The following ZIM2 variants were observed in gnomAD, a reference collection of about 807,000 sequenced individuals.
ZIM2 encodes the protein zinc finger imprinted 2.
Under a neutral mutation model 38.6 loss-of-function variants are expected in ZIM2, and 14 were observed. That is an observed-to-expected ratio of 0.36 (90% CI 0.24 to 0.57). ZIM2 has a LOEUF of 0.57. Ranked by LOEUF, ZIM2 falls within the 20% of genes least tolerant of loss-of-function variation. The pLI is 0.81. For synonymous variants in ZIM2, 247 were observed against 245.8 expected, an observed-to-expected ratio of 1.00 and a Z score of -0.04; for missense variants, 680 against 695.1, an observed-to-expected ratio of 0.98 and a Z score of 0.24.
chr19:56,839,782 G>C (rs939379384), intron 1 of ZIM2, among the ~76,000 whole-genome samples: 1 of 151,986 alleles, frequency 6.6e-6, no homozygotes, highest in African/African-American at 2.4e-5. Flanking sequence ...GCGCCTGCGC[G>C]GCAAACCTCA....
chr19:56,814,784 G>C lies in ZIM2; in HGVS notation c.490+2962C>G. On this transcript the variant is annotated intron_variant, in intron 9 of 12. Coordinates refer to ENST00000629319, the MANE Select transcript of ZIM2 (RefSeq NM_001387356.1). The surrounding 1 kb of genome is among the most constrained non-coding windows in gnomAD (Gnocchi z 5.8). Reference sequence around the variant, plus strand: ...AGGCATCGAATGGCCGACCCAGCAAGAGCAGGATTCCTCTCTGCAGCACGA... The same window carrying C: ...AGGCATCGAATGGCCGACCCAGCAACAGCAGGATTCCTCTCTGCAGCACGA... 1.2e-6 allele frequency: 2 copies of C among 1,614,170 alleles called. No homozygotes were observed. The highest frequency in any genetic ancestry group is 1.3e-5 in the African/African-American group (1 of 75,046).
intron 9 of ZIM2, chr19:56,816,255 A>G: frequency 1.2e-6 from 2 of 1,614,040 alleles, no homozygotes; most frequent in South Asian, 1.1e-5. Context: ...TCTGAGATTC[A>G]GTGAATGGCC....
At chr19:56,779,281 A>G in intron 12 of ZIM2, 96 bp downstream of exon 12, 1 of 1,268,610 alleles carries the variant, frequency 7.9e-7, no homozygotes, top group African/African-American at 1.5e-5. Context: ...GGCACCTACC[A>G]GACTTCTCCT....
intron 7 of ZIM2, among the ~76,000 whole-genome samples, chr19:56,820,441 C>T (rs1044941351): frequency 1.4e-4 from 21 of 152,160 alleles, no homozygotes; most frequent in African/African-American, 5.1e-4. Context: ...ATTTAAAAAG[C>T]AAAACAAGAC....
intron 9 of ZIM2, among the ~76,000 whole-genome samples, chr19:56,796,511 C>G (rs2047237651): frequency 6.6e-6 from 1 of 152,220 alleles, no homozygotes; most frequent in African/African-American, 2.4e-5. Flanking sequence ...GTTGGCTCCA[C>G]TCATGCCCGA....
At position 56,776,131 on chromosome 19, in the gene ZIM2, CAGTA is replaced by C. The variant is rs1380583269; in HGVS notation, c.836-606_836-603del. Among the ~76,000 whole-genome samples the C allele has an allele frequency of 2.8e-5, 4 of 144,976 alleles. No homozygotes were observed. In the East Asian group the frequency reaches 8.0e-4, roughly 29 times the overall value. On this transcript the variant is annotated intron_variant, in intron 12 of 12. Coordinates refer to ENST00000629319, the MANE Select transcript of ZIM2 (RefSeq NM_001387356.1). ...AAAAAAAAAAAAAAAAAGGAAAAGA[CAGTA>C]AGCAAGGAAGAGTGAGGAAGAAACA... is the stretch of plus-strand genomic sequence containing the variant.
chr19:56,811,428 T>A lies in ZIM2; in HGVS notation c.490+6318A>T, dbSNP rs78174116. ...CCACTTAATGTTCTGTAAATATATTTCCACGTTGCTACATAACTCGTGATT... is the reference window on the plus strand; with the variant it reads ...CCACTTAATGTTCTGTAAATATATTACCACGTTGCTACATAACTCGTGATT... On this transcript the variant is annotated intron_variant, in intron 9 of 12. Transcript: ENST00000629319. 2.4e-3 allele frequency: 2,217 copies of A among 910,750 alleles called. 28 individuals carry two copies. In the African/African-American group the frequency reaches 0.034, roughly 14 times the overall value. 56.4% of individuals were successfully genotyped at this position (910,750 alleles called of 1,614,324 possible). A position where few individuals can be genotyped will look rare whatever the true frequency, so the allele number is the denominator to read the frequency against.
intron 9 of ZIM2, among the ~76,000 whole-genome samples, chr19:56,793,447 G>T (rs559173816): frequency 6.6e-6 from 1 of 152,152 alleles, no homozygotes; most frequent in Non-Finnish European, 1.5e-5. Context: ...CGGTAGGCAG[G>T]GCTGTATCAG....
At chr19:56,817,435 T>A in intron 9 of ZIM2, 1 of 1,614,130 alleles carries the variant, frequency 6.2e-7, no homozygotes, top group South Asian at 1.1e-5. Flanking sequence ...CTGTGACCGG[T>A]CGCTTGACTC....
At chr19:56,806,603 T>C (rs2047767812) in intron 9 of ZIM2, among the ~76,000 whole-genome samples, 1 of 152,222 alleles carries the variant, frequency 6.6e-6, no homozygotes, top group Admixed American at 6.5e-5. Flanking sequence ...CAGGAGAATG[T>C]ATATTGGGAG....
At chr19:56,815,090 C>G (rs1360328771) in intron 9 of ZIM2, 1 of 1,613,560 alleles carries the variant, frequency 6.2e-7, no homozygotes, top group Admixed American at 1.7e-5. Flanking sequence ...TCTGTGAGAT[C>G]CACAAAGCCC....
At position 56,824,421 on chromosome 19, in the gene ZIM2, T is replaced by C. The variant is rs1254639627; in HGVS notation, c.-144A>G. The C allele has an allele frequency of 6.2e-7, 1 of 1,613,876 alleles. No individual in the cohort carries two copies. Among genetic ancestry groups the C allele is most frequent in the Non-Finnish European group, 8.5e-7 (1 of 1,180,002 alleles). Reference sequence around the variant, plus strand: ...TCGATGATCTCCTCCTTGGTGCGGGTCTCCGGCTGCAACCAATCGAGGCAG... The same window carrying C: ...TCGATGATCTCCTCCTTGGTGCGGGCCTCCGGCTGCAACCAATCGAGGCAG... On this transcript the variant is annotated 5_prime_UTR_variant, in exon 4 of 13. Coordinates refer to ENST00000629319, the MANE Select transcript of ZIM2 (RefSeq NM_001387356.1).
chr19:56,830,131 T>C (rs994906974), intron 2 of ZIM2, among the ~76,000 whole-genome samples: 2 of 152,236 alleles, frequency 1.3e-5, no homozygotes, highest in Non-Finnish European at 2.9e-5. Context: ...CCTGTATTTA[T>C]ACCCTACCGC....
chr19:56,774,979 G>C lies in ZIM2; in HGVS notation c.1386C>G (p.Leu462=). The C allele has an allele frequency of 6.2e-7, 1 of 1,614,194 alleles. No individual in the cohort carries two copies. Among genetic ancestry groups the C allele is most frequent in the Non-Finnish European group, 8.5e-7 (1 of 1,180,042 alleles). The change falls in exon 13 of 13, where the codon CTC becomes CTG. Residue 462 remains leucine (L), a synonymous_variant. Transcript: ENST00000629319. ...GGACTCTTGCTGCCTCATGGGCTTT[G>C]AGATGTTGAAGAAGATGCACATTCT... ...FLQNVHLLQH[L]KAHEAARVLP...
At position 56,822,820 on chromosome 19, in the gene ZIM2, G is replaced by T. The variant is rs757890759; in HGVS notation, c.123C>A (p.Asp41Glu). Reference sequence around the variant, plus strand: ...CCATGTCTCTGCTTCTGCCCCTCCGGTCCCAGTCCCGGTCACCTAAGCAGG... The same window carrying T: ...CCATGTCTCTGCTTCTGCCCCTCCGTTCCCAGTCCCGGTCACCTAAGCAGG... ...VHSFSGDRDW[D>E]RRGRSRDMEP... is the part of the protein sequence containing the mutation. The change falls in exon 6 of 13, where the codon GAC becomes GAA. Residue 41 changes from aspartate (D) to glutamate (E), a missense_variant. Coordinates refer to ENST00000629319, the MANE Select transcript of ZIM2 (RefSeq NM_001387356.1). 1.9e-6 allele frequency: 3 copies of T among 1,613,832 alleles called. No individual in the cohort carries two copies. The highest frequency in any genetic ancestry group is 2.2e-5 in the South Asian group (2 of 90,984).
Position 56,817,774 on chromosome 19 carries a change from C to A in ZIM2, c.462G>T (p.Lys154Asn). 6.2e-7 allele frequency: 1 copy of A among 1,614,128 alleles called. No individual in the cohort carries two copies. ...GACTGGTGCTTGGGTAGGCACTTCT[C>A]TTGGATCTTGATGAGTGGCCCTGCG... is the stretch of plus-strand genomic sequence containing the variant. ...HMTQGHSSRS[K>N]RSAYPSTSRG... The change falls in exon 9 of 13, where the codon AAG (lysine) becomes AAT (asparagine). Residue 154 changes from lysine (K) to asparagine (N), a missense_variant. Coordinates refer to ENST00000629319, the MANE Select transcript of ZIM2 (RefSeq NM_001387356.1).
chr19:56,781,248 G>T (rs954681231), intron 11 of ZIM2, among the ~76,000 whole-genome samples: 3 of 152,162 alleles, frequency 2.0e-5, no homozygotes, highest in Admixed American at 2.0e-4. Context: ...AACAGTGTTT[G>T]TTTTGGATTC....
At chr19:56,815,543 T>C (rs759701596) in intron 9 of ZIM2, 1 of 1,614,076 alleles carries the variant, frequency 6.2e-7, no homozygotes, top group East Asian at 2.2e-5. Context: ...TCATAGAGCA[T>C]CCCTCGAGGG....
intron 2 of ZIM2, among the ~76,000 whole-genome samples, chr19:56,834,337 C>T (rs1200958782): frequency 1.3e-5 from 2 of 152,122 alleles, no homozygotes; most frequent in African/African-American, 4.8e-5. Flanking sequence ...TTCACTGTGA[C>T]AACATGGCTG....
Sources: gnomAD v4.1 joint callset for allele counts (sites outside exome capture counted in the v4.1 genomes callset) on GRCh38, gnomAD v4.1.1 for gene constraint, Gnocchi (gnomAD v3.1) non-coding constraint, MANE v1.5 for transcripts, NCBI Gene and HGNC (gene_info 2026-07-23, HGNC 2026-07-21) for gene names.